FXYD5: variants seen among roughly 807,000 people sequenced by gnomAD.
FXYD5 encodes the protein FXYD domain containing ion transport regulator 5.
FXYD5 carries 21 observed loss-of-function variants against 25.7 expected under a neutral mutation model. That is an observed-to-expected ratio of 0.82 (90% CI 0.58 to 1.18). FXYD5 has a LOEUF of 1.18. Among genes scored for constraint, FXYD5 ranks in the 50% most tolerant of loss-of-function variants. The pLI, the probability that FXYD5 is intolerant of heterozygous loss-of-function variation, is 0.00. For missense variants in FXYD5, 229 were observed against 227.7 expected, an observed-to-expected ratio of 1.01 and a Z score of -0.04; for synonymous variants, 101 against 90.7, an observed-to-expected ratio of 1.11 and a Z score of -0.64.
At chr19:35,169,079 A>G (rs1199561048) in intron 8 of FXYD5, among the ~76,000 whole-genome samples, 1 of 150,884 alleles carries the variant, frequency 6.6e-6, no homozygotes, top group Non-Finnish European at 1.5e-5. Context: ...AAAAAAAAAA[A>G]GTAACCTCCT....
chr19:35,155,667 C>G, intron 2 of FXYD5, 56 bp downstream of exon 2: 1 of 1,297,132 alleles, frequency 7.7e-7, no homozygotes, highest in South Asian at 1.2e-5. Context: ...AGGCCAGCCC[C>G]ACGTGTGCTG....
intron 8 of FXYD5, chr19:35,166,726 C>A: frequency 3.8e-6 from 1 of 262,508 alleles, no homozygotes; most frequent in Non-Finnish European, 7.2e-6. Context: ...CATGCAGGCT[C>A]AGAACTGGCC....
intron 5 of FXYD5, among the ~76,000 whole-genome samples, chr19:35,161,981 T>C (rs114285983): frequency 6.6e-6 from 1 of 152,172 alleles, no homozygotes; most frequent in Non-Finnish European, 1.5e-5. Flanking sequence ...AATCCTACAA[T>C]GGATGGAAAT....
chr19:35,158,431 A>T, intron 4 of FXYD5, 31 bp downstream of exon 4: 1 of 1,356,412 alleles, frequency 7.4e-7, no homozygotes, highest in Non-Finnish European at 1.1e-6. Context: ...CGGCGGGGAC[A>T]GGACCAAGAC....
At position 35,159,663 on chromosome 19, in the gene FXYD5, T is replaced by G; in HGVS notation, c.200-1046T>G. On this transcript the variant is annotated intron_variant, in intron 4 of 8. Coordinates refer to ENST00000392219, the MANE Select transcript of FXYD5 (RefSeq NM_014164.6). ...GCACTTGGAATATGTACTGACTATG[T>G]GCTGGTCATGGTTCTAAATATTTTG... The G allele has an allele frequency of 3.9e-6, 6 of 1,540,298 alleles. No homozygotes were observed. The South Asian group carries it at 7.3e-5, about 19-fold the overall frequency.
chr19:35,159,319 C>T lies in FXYD5; in HGVS notation c.199+919C>T, dbSNP rs182779828. The stretch of plus-strand genomic sequence containing the variant: ...CCACTGTCAGCATTGGGGTAGGTCC[C>T]CAGTGATACCACATCCCATGTATAT... On this transcript the variant is annotated intron_variant, in intron 4 of 8. Transcript: ENST00000392219. 3.7e-4 allele frequency among the ~76,000 whole-genome samples: 56 copies of T among 152,308 alleles called. No homozygotes were observed. In the East Asian group the frequency reaches 0.01, roughly 28 times the overall value.
At chr19:35,155,487 G>C in intron 1 of FXYD5, 64 bp from the exon 2 acceptor site, 1 of 1,328,210 alleles carries the variant, frequency 7.5e-7, no homozygotes, top group Non-Finnish European at 1.1e-6. Context: ...CAGGATCCCC[G>C]GGGGCTGCCG....
In FXYD5 at chr19:35,163,328, G is replaced by C. The variant is rs4806094; in HGVS notation, c.293-828G>C. ...CACGAGGGAGCTTCTCTGTCTGCTG[G>C]CTTCTTGTTGAGGCCTCCGATGTGG... On this transcript the variant is annotated intron_variant, in intron 5 of 8. Coordinates refer to ENST00000392219, the MANE Select transcript of FXYD5 (RefSeq NM_014164.6). Among the ~76,000 whole-genome samples, 469 of 152,174 alleles carry C rather than the reference G, an allele frequency of 3.1e-3. 13 individuals carry two copies. The highest frequency in any genetic ancestry group is 0.028 in the Admixed American group (430 of 15,280).
intron 4 of FXYD5, among the ~76,000 whole-genome samples, 162 bp from the exon 5 acceptor site, chr19:35,160,547 T>C (rs1273713697): frequency 2.0e-5 from 3 of 152,170 alleles, no homozygotes; most frequent in African/African-American, 7.2e-5. Flanking sequence ...GGTTTCTCCA[T>C]GTTGGTCAGG....
In FXYD5 at chr19:35,164,221, G is replaced by A; in HGVS notation, c.358G>A (p.Asp120Asn). The part of the protein sequence containing the change: ...RPSPSTDVQT[D>N]PQTLKPSGFH... ...ATCCCCAAGCACAGACGTCCAGACA[G>A]ACCCCCAGACCCTCAAGCCATCTGG... Residue 120 changes from aspartate to asparagine, a missense_variant, in exon 6 of 9, where the codon GAC becomes AAC. Physicochemically the swap from Asp to Asn is conservative, Grantham distance 23. Coordinates refer to ENST00000392219, the MANE Select transcript of FXYD5 (RefSeq NM_014164.6). The A allele has an allele frequency of 6.2e-7, 1 of 1,612,776 alleles. No individual in the cohort carries two copies. The highest frequency in any genetic ancestry group is 2.2e-5 in the East Asian group (1 of 44,874).
At chr19:35,164,007 G>T in intron 5 of FXYD5, 149 bp from the exon 6 acceptor site, 1 of 1,507,592 alleles carries the variant, frequency 6.6e-7, no homozygotes, top group Non-Finnish European at 8.9e-7. Context: ...ATTGCCTCTA[G>T]GTGTGGAGTA....
At position 35,169,724 on chromosome 19, in the gene FXYD5, G is replaced by C. The variant is rs1211442801; in HGVS notation, c.*109G>C. 1.3e-6 allele frequency: 1 copy of C among 745,714 alleles called. No homozygotes were observed. The highest frequency in any genetic ancestry group is 1.7e-5 in the African/African-American group (1 of 57,854). The allele number at this position is 745,714 out of a possible 1,614,324, so 46.2% of individuals were successfully genotyped here. Reference sequence around the variant, plus strand: ...TCCCCTCGAAGAGCCTGGCCAGAGAGGGAAGACACAGATGATGAAGCTGGA... The same window carrying C: ...TCCCCTCGAAGAGCCTGGCCAGAGACGGAAGACACAGATGATGAAGCTGGA... On this transcript the variant is annotated 3_prime_UTR_variant, in exon 9 of 9. Coordinates refer to ENST00000392219, the MANE Select transcript of FXYD5 (RefSeq NM_014164.6).
intron 1 of FXYD5, chr19:35,155,150 T>C: frequency 4.6e-6 from 1 of 215,804 alleles, no homozygotes; most frequent in Non-Finnish European, 9.2e-6. Context: ...TCCCGGGCTC[T>C]GGGCCCCTGG....
intron 6 of FXYD5, 107 bp from the exon 7 acceptor site, chr19:35,166,035 T>G: frequency 9.7e-7 from 1 of 1,030,834 alleles, no homozygotes; most frequent in Non-Finnish European, 1.5e-6. Context: ...GATTTTGGGT[T>G]TTGTTCTAAG....
At chr19:35,158,307 C>A (rs750099078) in intron 3 of FXYD5, 37 bp from the exon 4 acceptor site, 3 of 1,452,752 alleles carry the variant, frequency 2.1e-6, no homozygotes, top group African/African-American at 2.8e-5. Flanking sequence ...TTTTCTCTCT[C>A]CTTTTCTCTC....
rs1011644916 is a variant in FXYD5 at position 35,169,846 on chromosome 19, C to G, written c.*231C>G. 5.3e-6 allele frequency: 3 copies of G among 564,872 alleles called. No homozygotes were observed. Among genetic ancestry groups the G allele is most frequent in the Non-Finnish European group, 9.5e-6 (3 of 315,466 alleles). The allele number at this position is 564,872 out of a possible 1,614,324, so 35.0% of individuals were successfully genotyped here. ...GGGGCTGTCCCTCAAGTTATCTCCT[C>G]TGCTAAGACAAAAAGTAAAGCACTG... On this transcript the variant is annotated 3_prime_UTR_variant, in exon 9 of 9. Coordinates refer to ENST00000392219, the MANE Select transcript of FXYD5 (RefSeq NM_014164.6).
intron 6 of FXYD5, among the ~76,000 whole-genome samples, chr19:35,165,839 A>C (rs2065445392): frequency 6.6e-6 from 1 of 152,166 alleles, no homozygotes; most frequent in African/African-American, 2.4e-5. Context: ...GGAGGGAGCC[A>C]TGCGGATGTC....
At chr19:35,165,371 CT>C (rs1460744885) in intron 6 of FXYD5, among the ~76,000 whole-genome samples, 1 of 152,182 alleles carries the variant, frequency 6.6e-6, no homozygotes, top group African/African-American at 2.4e-5. Context: ...CCTTTTTATA[CT>C]GTATAGGGTA....
chr19:35,158,739 G>C (rs1012025914), intron 4 of FXYD5, among the ~76,000 whole-genome samples: 9 of 152,160 alleles, frequency 5.9e-5, no homozygotes, highest in African/African-American at 2.2e-4. Flanking sequence ...CTGTGTGCCA[G>C]TCCCATTTAT....
Sources: gnomAD v4.1 joint callset for allele counts (sites outside exome capture counted in the v4.1 genomes callset) on GRCh38, gnomAD v4.1.1 for gene constraint, MANE v1.5 for transcripts, NCBI Gene and HGNC (gene_info 2026-07-23, HGNC 2026-07-21) for gene names.